Variants in CUBN observed in about 807,000 individuals in gnomAD.
CUBN encodes the protein cubilin, also known as 460 kDa receptor.
A neutral mutation model predicts 405.3 loss-of-function variants in CUBN; 282 were observed. The observed-to-expected ratio is 0.70, with a 90% CI of 0.63 to 0.77. The LOEUF (loss-of-function observed/expected upper bound fraction) is 0.77, where lower values mean the gene tolerates loss of function less well. CUBN is among the 30% of genes least tolerant of loss of function. The pLI is 0.00. For synonymous variants in CUBN, 1,684 were observed against 1,617.0 expected, an observed-to-expected ratio of 1.04 and a Z score of -0.99; for missense variants, 4,514 against 4,475.2, an observed-to-expected ratio of 1.01 and a Z score of -0.25.
intron 28 of CUBN, among the ~76,000 whole-genome samples, chr10:16,993,050 A>T (rs1404914544): frequency 6.6e-6 from 1 of 152,232 alleles, no homozygotes; most frequent in East Asian, 1.9e-4. Context: ...GGTACAACAC[A>T]GTGCCTCATG....
intron 36 of CUBN, among the ~76,000 whole-genome samples, chr10:16,941,004 A>T (rs1842635822): frequency 6.6e-6 from 1 of 152,194 alleles, no homozygotes; most frequent in Non-Finnish European, 1.5e-5. Flanking sequence ...TGGGGAGTCG[A>T]GGATAGGAAA....
At chr10:16,973,432 C>T (rs1417808527) in intron 31 of CUBN, among the ~76,000 whole-genome samples, 1 of 152,194 alleles carries the variant, frequency 6.6e-6, no homozygotes, top group African/African-American at 2.4e-5. Flanking sequence ...GGCTCTTCTG[C>T]TTAAGAGCTT....
At chr10:16,932,996 C>T (rs117974382) in intron 40 of CUBN, 91 bp downstream of exon 40, 26 of 1,342,204 alleles carry the variant, frequency 1.9e-5, no homozygotes, top group East Asian at 4.7e-5. Context: ...CCAAACCAAA[C>T]GGATGGAGGC....
At chr10:17,004,746 T>G (rs1248107912) in intron 28 of CUBN, among the ~76,000 whole-genome samples, 3 of 151,032 alleles carry the variant, frequency 2.0e-5, no homozygotes, top group Non-Finnish European at 4.4e-5. Flanking sequence ...CTTGGCTCAC[T>G]GCAACCTCTG....
In CUBN at chr10:16,828,968, T is replaced by C. The variant is rs772244934; in HGVS notation, c.10601A>G (p.Asn3534Ser). 5.0e-6 allele frequency: 8 copies of C among 1,613,996 alleles called. No individual in the cohort carries two copies. The highest frequency in any genetic ancestry group is 5.9e-6 in the Non-Finnish European group (7 of 1,180,010). Residue 3534 changes from asparagine (N) to serine (S), a missense_variant, in exon 66 of 67, where the codon AAC becomes AGC. By Grantham distance (46) the Asn-to-Ser change is conservative (BLOSUM62 1). Around this residue, in one of 5 missense-constraint regions of CUBN, gnomAD observed 1,186 missense variants for 1,186.9 expected, o/e 1.00. Transcript: ENST00000377833. ...AACAAGGACCCACTCGCAGTACGTG[T>C]TGTTTGGGTATGTGCCTGGATAGCC... ...SPGYPGTYPN[N>S]TYCEWVLVAP...
chr10:17,015,539 C>T (rs1436826833), intron 28 of CUBN, among the ~76,000 whole-genome samples: 1 of 152,152 alleles, frequency 6.6e-6, no homozygotes, highest in Non-Finnish European at 1.5e-5. Flanking sequence ...TCATCCAGGA[C>T]AAGAGATTAA....
At chr10:16,937,057 T>C (rs72773220) in intron 39 of CUBN, among the ~76,000 whole-genome samples, 5,772 of 152,154 alleles carry the variant, frequency 0.038, 340 homozygotes, top group East Asian at 0.18. Context: ...CCCCAAACAA[T>C]GCTAGCTCAA....
chr10:16,864,207 C>T (rs987164335), intron 59 of CUBN, among the ~76,000 whole-genome samples: 4 of 152,166 alleles, frequency 2.6e-5, no homozygotes, highest in African/African-American at 4.8e-5. Context: ...GGGATTTAAT[C>T]AGAATGTAGC....
chr10:17,045,265 G>A, intron 24 of CUBN, 77 bp from the exon 25 acceptor site: 1 of 1,370,018 alleles, frequency 7.3e-7, no homozygotes, highest in African/African-American at 1.4e-5. Context: ...GCATTAAACT[G>A]GTGCCATTCT....
chr10:17,051,763 A>T (rs1034280482), intron 22 of CUBN, among the ~76,000 whole-genome samples: 4 of 151,966 alleles, frequency 2.6e-5, no homozygotes, highest in Non-Finnish European at 5.9e-5. Context: ...ACAAAGAAAA[A>T]AGAACTCCAG....
chr10:16,948,454 G>C lies in CUBN; in HGVS notation c.5209+24C>G, dbSNP rs759015372. ...TCTACCACATCCCTTTTAACCGCTA[G>C]AGTCAGGTGCTAGGGTTTCTTACCC... On this transcript the variant is annotated intron_variant, in intron 35 of 66. Transcript: ENST00000377833. The C allele has an allele frequency of 3.9e-5, 63 of 1,613,410 alleles. 1 individual carries two copies. The South Asian group carries it at 6.9e-4, about 18-fold the overall frequency.
At chr10:17,075,585 C>T (rs1835840927) in intron 17 of CUBN, among the ~76,000 whole-genome samples, 1 of 152,074 alleles carries the variant, frequency 6.6e-6, no homozygotes, top group Non-Finnish European at 1.5e-5. Flanking sequence ...TCAAAGTCTG[C>T]TCTATAATAA....
intron 28 of CUBN, among the ~76,000 whole-genome samples, chr10:17,018,032 C>T (rs1834384307): frequency 6.6e-6 from 1 of 152,128 alleles, no homozygotes; most frequent in Admixed American, 6.5e-5. Context: ...CAACCCTCAG[C>T]TCAGCCCAGA....
intron 31 of CUBN, among the ~76,000 whole-genome samples, chr10:16,957,473 CA>C (rs1410707823): frequency 2.0e-5 from 3 of 152,128 alleles, no homozygotes; most frequent in Non-Finnish European, 4.4e-5. Context: ...AGAAGACATA[CA>C]AATGACCAAC....
chr10:17,117,115 T>C (rs535642580), intron 6 of CUBN, among the ~76,000 whole-genome samples: 2 of 152,146 alleles, frequency 1.3e-5, no homozygotes, highest in South Asian at 4.2e-4. Flanking sequence ...AGAAATTGAA[T>C]TATCCATCCC....
intron 28 of CUBN, among the ~76,000 whole-genome samples, chr10:17,001,326 T>G (rs1483987284): frequency 6.6e-6 from 1 of 152,202 alleles, no homozygotes; most frequent in Non-Finnish European, 1.5e-5. Context: ...GGAGGCCAGC[T>G]TTTATTCCCT....
At chr10:17,079,234 TC>T (rs896709337) in intron 17 of CUBN, among the ~76,000 whole-genome samples, 5 of 82,766 alleles carry the variant, frequency 6.0e-5, no homozygotes, top group African/African-American at 2.6e-4. Context: ...GAATGCAAAC[TC>T]TTTTTTTTTT....
chr10:17,086,291 G>A (rs1392619652), intron 15 of CUBN, among the ~76,000 whole-genome samples: 1 of 152,102 alleles, frequency 6.6e-6, no homozygotes, highest in African/African-American at 2.4e-5. Context: ...TCCAAGGCTG[G>A]ACATATAGTT....
At chr10:17,048,955 T>G (rs1278996043) in intron 22 of CUBN, among the ~76,000 whole-genome samples, 1 of 152,222 alleles carries the variant, frequency 6.6e-6, no homozygotes, top group Non-Finnish European at 1.5e-5. Context: ...GATATTTGAT[T>G]TTACTCTATT....
Sources: gnomAD v4.1 joint callset for allele counts (sites outside exome capture counted in the v4.1 genomes callset) on GRCh38, gnomAD v4.1.1 for gene constraint, gnomAD v4.1.1 regional missense constraint, MANE v1.5 for transcripts, NCBI Gene and HGNC (gene_info 2026-07-23, HGNC 2026-07-21) for gene names.